The following BANK1 variants were observed in gnomAD, a reference collection of about 807,000 sequenced individuals.
The protein encoded by BANK1 is B-cell scaffold protein with ankyrin repeats.
In BANK1, 95 loss-of-function variants were observed where a neutral mutation model predicts 94.5. That is an observed-to-expected ratio of 1.00 (90% CI 0.85 to 1.19). The LOEUF is 1.19. Among genes scored for constraint, BANK1 ranks in the 50% most tolerant of loss-of-function variants. BANK1 has a pLI of 0.00. For synonymous variants in BANK1, 334 were observed against 308.4 expected (o/e 1.08, Z -0.87); for missense variants, 987 against 932.2 (o/e 1.06, Z -0.77).
At chr4:101,824,539 C>T (rs1038401770) in intron 1 of BANK1, among the ~76,000 whole-genome samples, 9 of 151,982 alleles carry the variant, frequency 5.9e-5, no homozygotes, top group African/African-American at 2.2e-4. Context: ...AATAACAGTA[C>T]AAAGTTGGAA....
intron 7 of BANK1, among the ~76,000 whole-genome samples, chr4:101,955,185 G>A (rs1397614466): frequency 1.3e-5 from 2 of 152,060 alleles, no homozygotes. Flanking sequence ...CAAGCGAGCA[G>A]CCAGAAACAG....
chr4:101,841,986 T>C (rs1238374720), intron 2 of BANK1, among the ~76,000 whole-genome samples: 2 of 152,088 alleles, frequency 1.3e-5, no homozygotes, highest in African/African-American at 4.8e-5. Context: ...TTATGAAAAA[T>C]AGAATAACAT....
At chr4:101,810,692 C>T (rs1286758563) in intron 1 of BANK1, among the ~76,000 whole-genome samples, 1 of 152,146 alleles carries the variant, frequency 6.6e-6, no homozygotes. Flanking sequence ...ATCAATAATA[C>T]TGTTGGCTAC....
At chr4:101,880,421 A>G (rs1728635828) in intron 5 of BANK1, among the ~76,000 whole-genome samples, 1 of 152,060 alleles carries the variant, frequency 6.6e-6, no homozygotes, top group South Asian at 2.1e-4. Context: ...CACTGATGAA[A>G]TAAAATGAAG....
intron 7 of BANK1, among the ~76,000 whole-genome samples, chr4:101,951,799 ACTAT>A (rs1422585187): frequency 6.6e-6 from 1 of 152,026 alleles, no homozygotes; most frequent in African/African-American, 2.4e-5. Flanking sequence ...AAATTAAATA[ACTAT>A]CAATATAAAT....
chr4:101,793,092 T>C (rs1725051004), intron 1 of BANK1, among the ~76,000 whole-genome samples: 1 of 152,176 alleles, frequency 6.6e-6, no homozygotes, highest in African/African-American at 2.4e-5. Flanking sequence ...TTTATTGATA[T>C]TATTGGATGC....
chr4:101,890,494 A>G (rs190682178), intron 5 of BANK1, among the ~76,000 whole-genome samples: 1 of 150,608 alleles, frequency 6.6e-6, no homozygotes, highest in East Asian at 1.9e-4. Flanking sequence ...TTTCCTTTGT[A>G]ATTTTTGCAT....
chr4:101,990,904 T>C (rs957080026), intron 7 of BANK1, among the ~76,000 whole-genome samples: 6 of 152,202 alleles, frequency 3.9e-5, no homozygotes, highest in Non-Finnish European at 7.3e-5. Context: ...TTAAATCACG[T>C]AAAGTGCTTT....
intron 7 of BANK1, among the ~76,000 whole-genome samples, chr4:101,942,374 G>A (rs926478727): frequency 6.6e-6 from 1 of 151,820 alleles, no homozygotes; most frequent in African/African-American, 2.4e-5. Context: ...CCTGTAGTGG[G>A]CATCTTGAAC....
At chr4:101,882,020 T>G (rs945908351) in intron 5 of BANK1, among the ~76,000 whole-genome samples, 1 of 151,626 alleles carries the variant, frequency 6.6e-6, no homozygotes, top group Non-Finnish European at 1.5e-5. Context: ...CACAACAGAG[T>G]GATTTTAGTC....
intron 7 of BANK1, among the ~76,000 whole-genome samples, chr4:102,016,048 T>G (rs1342873931): frequency 6.6e-6 from 1 of 152,236 alleles, no homozygotes; most frequent in East Asian, 1.9e-4. Flanking sequence ...ATTCTTGCTG[T>G]TTTGTTCATG....
intron 5 of BANK1, among the ~76,000 whole-genome samples, chr4:101,891,490 T>C (rs1423386373): frequency 6.6e-6 from 1 of 152,114 alleles, no homozygotes; most frequent in Non-Finnish European, 1.5e-5. Flanking sequence ...CTGTTTTTGC[T>C]TTTCACAGCT....
chr4:101,873,280 TG>T lies in BANK1; in HGVS notation c.903+2637del, dbSNP rs1337183371. Reference sequence around the variant, plus strand: ...AAATAACCTACTTACTTAGCTGAAATGTTATATTGTAAGAACTTTCCTGAGT... The same window carrying T: ...AAATAACCTACTTACTTAGCTGAAATTTATATTGTAAGAACTTTCCTGAGT... On this transcript the variant is annotated intron_variant, in intron 5 of 16. Transcript: ENST00000322953. Among the ~76,000 whole-genome samples the T allele has an allele frequency of 4.6e-5, 7 of 152,160 alleles. 1 individual carries two copies. The highest frequency in any genetic ancestry group is 1.7e-4 in the African/African-American group (7 of 41,454).
chr4:101,805,629 C>A (rs959760495), intron 1 of BANK1, among the ~76,000 whole-genome samples: 6 of 149,016 alleles, frequency 4.0e-5, no homozygotes, highest in Non-Finnish European at 8.9e-5. Context: ...GTATTATATA[C>A]ATATAAATAA....
intron 11 of BANK1, among the ~76,000 whole-genome samples, chr4:102,051,945 C>A (rs1578480701): frequency 1.3e-5 from 2 of 152,072 alleles, no homozygotes; most frequent in Admixed American, 1.3e-4. Context: ...ATCGTGGCAG[C>A]TGCATTAGAC....
chr4:101,810,503 GT>G (rs1725703653), intron 1 of BANK1, among the ~76,000 whole-genome samples: 1 of 152,134 alleles, frequency 6.6e-6, no homozygotes, highest in African/African-American at 2.4e-5. Flanking sequence ...CTTTTATAAA[GT>G]GTGAAGAACA....
intron 7 of BANK1, chr4:101,976,895 T>G (rs1303938148): frequency 6.6e-6 from 1 of 152,138 alleles, no homozygotes; most frequent in Non-Finnish European, 1.5e-5. Context: ...GTAGCATTAT[T>G]TTACAGGATG....
At chr4:102,051,123 C>T (rs1728032339) in intron 11 of BANK1, among the ~76,000 whole-genome samples, 1 of 152,116 alleles carries the variant, frequency 6.6e-6, no homozygotes, top group African/African-American at 2.4e-5. Context: ...TGTCTAGAAG[C>T]AGGAGACCTG....
chr4:102,027,825 C>T (rs1727155209), intron 9 of BANK1, among the ~76,000 whole-genome samples: 1 of 152,116 alleles, frequency 6.6e-6, no homozygotes. Flanking sequence ...ACCCAAGAAT[C>T]CTGGAAAGTA....
Sources: gnomAD v4.1 joint callset for allele counts (sites outside exome capture counted in the v4.1 genomes callset) on GRCh38, gnomAD v4.1.1 for gene constraint, MANE v1.5 for transcripts, NCBI Gene and HGNC (gene_info 2026-07-23, HGNC 2026-07-21) for gene names.